Variants in GOLPH3 observed in about 807,000 individuals in gnomAD.
GOLPH3 encodes the protein golgi phosphoprotein 3.
GOLPH3 carries 14 observed loss-of-function variants against 28.5 expected under a neutral mutation model. The ratio of observed to expected loss-of-function variants is 0.49; its 90% confidence interval spans 0.32 to 0.77. The LOEUF is 0.77. Ranked by LOEUF, GOLPH3 falls within the 30% of genes least tolerant of loss-of-function variation. GOLPH3 has a pLI of 0.03. For synonymous variants in GOLPH3, 158 were observed against 159.2 expected, an observed-to-expected ratio of 0.99 and a Z score of 0.06; for missense variants, 350 against 393.7, an observed-to-expected ratio of 0.89 and a Z score of 0.94.
chr5:32,154,055 A>G (rs191093555), intron 1 of GOLPH3, among the ~76,000 whole-genome samples: 10 of 152,358 alleles, frequency 6.6e-5, no homozygotes, highest in African/African-American at 2.4e-4. Flanking sequence ...AACTTAGAAA[A>G]TAACTCCCAT....
chr5:32,155,289 G>A (rs192430313), intron 1 of GOLPH3, among the ~76,000 whole-genome samples: 8 of 152,046 alleles, frequency 5.3e-5, no homozygotes, highest in African/African-American at 1.9e-4. Context: ...GGGCTGAAAT[G>A]ATCTGCCCAC....
At chr5:32,160,984 G>A (rs890803812) in intron 1 of GOLPH3, among the ~76,000 whole-genome samples, 12 of 148,780 alleles carry the variant, frequency 8.1e-5, no homozygotes, top group East Asian at 2.0e-4. Flanking sequence ...GGAGAATGGC[G>A]TGAACCTGGG....
chr5:32,173,681 G>A (rs763652507), intron 1 of GOLPH3, 129 bp downstream of exon 1: 62 of 569,358 alleles, frequency 1.1e-4, no homozygotes, highest in Non-Finnish European at 1.4e-4. Context: ...GCGCCACCAG[G>A]CGCGGACTTC....
At chr5:32,134,572 T>C (rs1282544325) in intron 3 of GOLPH3, among the ~76,000 whole-genome samples, 3 of 151,472 alleles carry the variant, frequency 2.0e-5, no homozygotes, top group Non-Finnish European at 2.9e-5. Context: ...ACCTGTAGTC[T>C]TAGCTACTCC....
chr5:32,135,567 C>T lies in GOLPH3; in HGVS notation c.472+5G>A. ...TTGGTTTTTGGTTTATTCACAGCAG[C>T]TTACCACTAAGTAATTCAATCCAGT... On this transcript the variant is annotated splice_donor_5th_base_variant and intron_variant, in intron 3 of 3. Transcript: ENST00000265070. The T allele has an allele frequency of 1.9e-6, 3 of 1,570,754 alleles. No homozygotes were observed. Among genetic ancestry groups the T allele is most frequent in the Middle Eastern group, 3.3e-4 (2 of 5,984 alleles).
chr5:32,153,026 T>C (rs1236726358), intron 1 of GOLPH3, among the ~76,000 whole-genome samples: 2 of 152,186 alleles, frequency 1.3e-5, no homozygotes, highest in African/African-American at 4.8e-5. Flanking sequence ...TATATGCATA[T>C]GGTTATTGTG....
intron 1 of GOLPH3, among the ~76,000 whole-genome samples, chr5:32,150,308 A>G (rs1746275359): frequency 6.6e-6 from 1 of 151,988 alleles, no homozygotes. Context: ...ATTCTTATAT[A>G]CAAAGTCTCA....
intron 1 of GOLPH3, among the ~76,000 whole-genome samples, chr5:32,153,496 T>C (rs1746356190): frequency 6.6e-6 from 1 of 151,934 alleles, no homozygotes; most frequent in South Asian, 2.1e-4. Context: ...AAAGCTATTT[T>C]AACTTTAGAA....
chr5:32,132,100 G>A (rs1276003264), intron 3 of GOLPH3, among the ~76,000 whole-genome samples: 1 of 152,208 alleles, frequency 6.6e-6, no homozygotes, highest in Non-Finnish European at 1.5e-5. Flanking sequence ...AGACTGCAGT[G>A]AGCTGTGACT....
At chr5:32,129,496 C>T (rs1410224285) in intron 3 of GOLPH3, among the ~76,000 whole-genome samples, 1 of 152,096 alleles carries the variant, frequency 6.6e-6, no homozygotes, top group Non-Finnish European at 1.5e-5. Flanking sequence ...ATACTTCTAA[C>T]CCTGTAGGAA....
chr5:32,143,242 C>T (rs2111857453), intron 2 of GOLPH3, among the ~76,000 whole-genome samples: 1 of 151,868 alleles, frequency 6.6e-6, no homozygotes, highest in East Asian at 1.9e-4. Context: ...TAAACAGATG[C>T]TTGAAGGCAG....
chr5:32,172,230 G>A (rs780077225), intron 1 of GOLPH3, among the ~76,000 whole-genome samples: 1 of 151,952 alleles, frequency 6.6e-6, no homozygotes, highest in Non-Finnish European at 1.5e-5. Flanking sequence ...AAATGCCCCA[G>A]ACGTATCTAT....
At chr5:32,141,708 T>TC (rs1340317503) in intron 2 of GOLPH3, among the ~76,000 whole-genome samples, 2 of 152,196 alleles carry the variant, frequency 1.3e-5, no homozygotes, top group East Asian at 3.9e-4. Context: ...CCTGCCTGAT[T>TC]CTCCTGCCTC....
In GOLPH3 at chr5:32,171,947, TAAAAAAAGAAAA is replaced by T. The variant is rs1291419975; in HGVS notation, c.225+1851_225+1862del. Reference sequence around the variant, plus strand: ...CTGGGCGACAGAGCGAGATTCCGTCTAAAAAAAGAAAAAAAAAAAGACAAATGTTTATAATCA... The same window carrying T: ...CTGGGCGACAGAGCGAGATTCCGTCTAAAAAAAGACAAATGTTTATAATCA... On this transcript the variant is annotated intron_variant, in intron 1 of 3. Transcript: ENST00000265070. Among the ~76,000 whole-genome samples, 5 of 150,304 alleles carry T rather than the reference TAAAAAAAGAAAA, an allele frequency of 3.3e-5. No individual in the cohort carries two copies. In the East Asian group the frequency reaches 5.8e-4, roughly 18 times the overall value.
intron 3 of GOLPH3, among the ~76,000 whole-genome samples, chr5:32,132,618 T>C (rs929281597): frequency 7.9e-5 from 12 of 152,236 alleles, no homozygotes; most frequent in African/African-American, 2.2e-4. Context: ...TTAAATTTCA[T>C]AGCACATATG....
At chr5:32,142,491 C>G (rs1746092869) in intron 2 of GOLPH3, among the ~76,000 whole-genome samples, 2 of 147,052 alleles carry the variant, frequency 1.4e-5, no homozygotes, top group African/African-American at 5.0e-5. Flanking sequence ...CAGCCCCCCA[C>G]CCAGCCAGCC....
At chr5:32,153,889 C>T (rs530374038) in intron 1 of GOLPH3, among the ~76,000 whole-genome samples, 3 of 152,230 alleles carry the variant, frequency 2.0e-5, no homozygotes, top group African/African-American at 4.8e-5. Flanking sequence ...TGGTCCATTC[C>T]CCACCAGATG....
chr5:32,150,240 A>C (rs1458192758), intron 1 of GOLPH3, among the ~76,000 whole-genome samples: 1 of 152,066 alleles, frequency 6.6e-6, no homozygotes, highest in Admixed American at 6.5e-5. Context: ...ACCTATATGA[A>C]AAGTTTAAAG....
chr5:32,165,088 T>C (rs1746681259), intron 1 of GOLPH3, among the ~76,000 whole-genome samples: 2 of 151,808 alleles, frequency 1.3e-5, no homozygotes, highest in South Asian at 4.2e-4. Flanking sequence ...TTAGTAGAGA[T>C]GGAGTTTCAC....
Sources: gnomAD v4.1 joint callset for allele counts (sites outside exome capture counted in the v4.1 genomes callset) on GRCh38, gnomAD v4.1.1 for gene constraint, MANE v1.5 for transcripts, NCBI Gene and HGNC (gene_info 2026-07-23, HGNC 2026-07-21) for gene names.